Variants in ARHGAP15 observed in about 807,000 individuals in gnomAD.
ARHGAP15 encodes rho GTPase-activating protein 15.
In ARHGAP15, 51 loss-of-function variants were observed where a neutral mutation model predicts 63.7. The observed-to-expected ratio is 0.80, with a 90% CI of 0.64 to 1.01. The LOEUF is 1.01. Ranked by LOEUF, ARHGAP15 falls within the 50% of genes least tolerant of loss-of-function variation. The pLI, the probability that ARHGAP15 is intolerant of heterozygous loss-of-function variation, is 0.00. For synonymous variants in ARHGAP15, 191 were observed against 193.8 expected (o/e 0.99, Z 0.12); for missense variants, 560 against 564.6 (o/e 0.99, Z 0.08).
At chr2:143,664,755 A>C (rs1284949734) in intron 12 of ARHGAP15, among the ~76,000 whole-genome samples, 2 of 152,246 alleles carry the variant, frequency 1.3e-5, no homozygotes, top group African/African-American at 4.8e-5. Flanking sequence ...ATCCCACAGA[A>C]ATACAAACTA....
At chr2:143,613,641 C>T (rs1321779920) in intron 11 of ARHGAP15, among the ~76,000 whole-genome samples, 1 of 152,178 alleles carries the variant, frequency 6.6e-6, no homozygotes, top group Non-Finnish European at 1.5e-5. Context: ...AAATGTGATA[C>T]ACAAAAATTC....
chr2:143,167,511 C>T (rs1245804177), intron 2 of ARHGAP15, among the ~76,000 whole-genome samples: 2 of 152,028 alleles, frequency 1.3e-5, no homozygotes, highest in Admixed American at 1.3e-4. Context: ...ACCATGGTTT[C>T]TCACTTTTTG....
intron 6 of ARHGAP15, among the ~76,000 whole-genome samples, chr2:143,288,571 T>C (rs1373182450): frequency 6.6e-6 from 1 of 152,112 alleles, no homozygotes; most frequent in Non-Finnish European, 1.5e-5. Context: ...GTGTACATTT[T>C]CATCCACAAG....
chr2:143,233,345 C>T (rs1693521165), intron 5 of ARHGAP15, among the ~76,000 whole-genome samples: 1 of 151,954 alleles, frequency 6.6e-6, no homozygotes, highest in African/African-American at 2.4e-5. Flanking sequence ...TCTCCCTCAT[C>T]CTAGAAATAT....
Position 143,413,927 on chromosome 2 carries a change from T to TTGTGTGTGTGTG in ARHGAP15, c.475-21645_475-21634dup, listed in dbSNP as rs1553476588. Among the ~76,000 whole-genome samples, 514 of 127,986 alleles carry TTGTGTGTGTGTG rather than the reference T, an allele frequency of 4.0e-3. 5 individuals are homozygous for TTGTGTGTGTGTG. The highest frequency in any genetic ancestry group is 8.7e-3 in the African/African-American group (276 of 31,882). 84.0% of individuals were successfully genotyped at this position (127,986 alleles called of 152,430 possible). A position where few individuals can be genotyped will look rare whatever the true frequency, so the allele number is the denominator to read the frequency against. On this transcript the variant is annotated intron_variant, in intron 6 of 13. Transcript: ENST00000295095. Reference sequence around the variant, plus strand: ...AGTGCCCTAGATGGAAGGTAGGTAGTTGTGTGTGTGTGTGTGTGTGTGTGT... The same window carrying TTGTGTGTGTGTG: ...AGTGCCCTAGATGGAAGGTAGGTAGTTGTGTGTGTGTGTGTGTGTGTGTGTGTGTGTGTGTGT...
chr2:143,695,918 G>T (rs544346359), intron 12 of ARHGAP15, among the ~76,000 whole-genome samples: 1 of 150,808 alleles, frequency 6.6e-6, no homozygotes, highest in East Asian at 1.9e-4. Flanking sequence ...TTCCAAACTC[G>T]CCCCAATGTG....
intron 11 of ARHGAP15, chr2:143,587,609 C>G (rs1697158969): frequency 4.9e-6 from 2 of 411,216 alleles, no homozygotes; most frequent in African/African-American, 4.2e-5. Context: ...CCTGAATACC[C>G]CTTGCTTTAG....
intron 12 of ARHGAP15, among the ~76,000 whole-genome samples, chr2:143,675,965 A>AT (rs1188346724): frequency 2.6e-5 from 4 of 152,194 alleles, no homozygotes; most frequent in Non-Finnish European, 1.5e-5. Context: ...TCCATTTAAA[A>AT]TTTATTGTTT....
chr2:143,607,358 C>T (rs1306813293), intron 11 of ARHGAP15, among the ~76,000 whole-genome samples: 2 of 152,094 alleles, frequency 1.3e-5, no homozygotes, highest in East Asian at 1.9e-4. Context: ...ATTCTTAGGG[C>T]AAATAACCCT....
chr2:143,583,529 TG>T (rs34224950), intron 11 of ARHGAP15, among the ~76,000 whole-genome samples: 45,287 of 151,546 alleles, frequency 0.3, 7,861 homozygotes, highest in African/African-American at 0.49. Context: ...AAGACAAAAA[TG>T]GGGGGGGTGG....
At chr2:143,158,828 A>G (rs972560691) in intron 2 of ARHGAP15, among the ~76,000 whole-genome samples, 10 of 151,952 alleles carry the variant, frequency 6.6e-5, no homozygotes, top group African/African-American at 2.4e-4. Flanking sequence ...GGGCAAGTGA[A>G]CTGTGCCTGT....
intron 10 of ARHGAP15, among the ~76,000 whole-genome samples, chr2:143,542,241 G>A (rs923915051): frequency 2.6e-5 from 4 of 152,188 alleles, no homozygotes; most frequent in Non-Finnish European, 5.9e-5. Context: ...CAGTATCGGG[G>A]TGGGAGTGAC....
Position 143,203,595 on chromosome 2 carries a change from C to G in ARHGAP15, c.234+1393C>G, listed in dbSNP as rs187541240. On this transcript the variant is annotated intron_variant, in intron 3 of 13. Coordinates refer to ENST00000295095, the MANE Select transcript of ARHGAP15 (RefSeq NM_018460.4). The stretch of plus-strand genomic sequence containing the variant: ...ACCAGTATGCAGTATATCCATGTAA[C>G]AAATAAGCACATATATCCCCTGAAT... 3.3e-5 allele frequency among the ~76,000 whole-genome samples: 5 copies of G among 152,138 alleles called. No individual in the cohort carries two copies. The East Asian group carries it at 9.7e-4, about 29-fold the overall frequency.
rs555382222 is a variant in ARHGAP15, at chr2:143,375,383, A to G, written c.475-60218A>G. ...TCCCAAATTCTTTTCTGTGACTTTT[A>G]TGGCCTGAAAGTAAGTAATCTGATT... On this transcript the variant is annotated intron_variant, in intron 6 of 13. Coordinates refer to ENST00000295095, the MANE Select transcript of ARHGAP15 (RefSeq NM_018460.4). Among the ~76,000 whole-genome samples the G allele has an allele frequency of 4.6e-4, 70 of 152,304 alleles. 1 individual carries two copies. The highest frequency in any genetic ancestry group is 3.9e-4 in the Admixed American group (6 of 15,292).
At chr2:143,734,390 A>G (rs1258044061) in intron 13 of ARHGAP15, among the ~76,000 whole-genome samples, 5 of 152,216 alleles carry the variant, frequency 3.3e-5, no homozygotes, top group Admixed American at 2.6e-4. Context: ...CATCTTTGGC[A>G]TCGCTTGTCA....
chr2:143,294,275 G>A (rs1682535756), intron 6 of ARHGAP15, among the ~76,000 whole-genome samples: 1 of 152,052 alleles, frequency 6.6e-6, no homozygotes, highest in African/African-American at 2.4e-5. Context: ...ATTGCCACAT[G>A]CATTTACTTA....
At chr2:143,682,301 GAT>G (rs954720966) in intron 12 of ARHGAP15, among the ~76,000 whole-genome samples, 2 of 30,206 alleles carry the variant, frequency 6.6e-5, no homozygotes, top group African/African-American at 3.8e-5. Flanking sequence ...CAAATAAGGA[GAT>G]TTTTTTTTTT....
intron 13 of ARHGAP15, among the ~76,000 whole-genome samples, chr2:143,728,079 C>T (rs1685362988): frequency 6.6e-6 from 1 of 152,200 alleles, no homozygotes; most frequent in South Asian, 2.1e-4. Context: ...ATACGACACA[C>T]CAGGCGGCTT....
intron 6 of ARHGAP15, among the ~76,000 whole-genome samples, chr2:143,325,472 G>A (rs1055675913): frequency 6.6e-6 from 1 of 152,040 alleles, no homozygotes; most frequent in Non-Finnish European, 1.5e-5. Context: ...TTGTTTGTCA[G>A]ATTTCTTCTT....
Sources: gnomAD v4.1 joint callset for allele counts (sites outside exome capture counted in the v4.1 genomes callset) on GRCh38, gnomAD v4.1.1 for gene constraint, MANE v1.5 for transcripts, NCBI Gene and HGNC (gene_info 2026-07-23, HGNC 2026-07-21) for gene names.